The following GSDME variants were observed in gnomAD, a reference collection of about 807,000 sequenced individuals.
GSDME encodes gasdermin E.
GSDME carries 44 observed loss-of-function variants against 47.5 expected under a neutral mutation model. That is an observed-to-expected ratio of 0.93 (90% CI 0.73 to 1.19). The LOEUF (loss-of-function observed/expected upper bound fraction) is 1.19, where lower values mean the gene tolerates loss of function less well. Ranked by LOEUF, GSDME falls within the 50% of genes most tolerant of loss-of-function variation. The pLI is 0.00. For synonymous variants in GSDME, 258 were observed against 252.8 expected, an observed-to-expected ratio of 1.02 and a Z score of -0.20; for missense variants, 663 against 604.2, an observed-to-expected ratio of 1.10 and a Z score of -1.02.
rs899980428 is a variant in GSDME, at chr7:24,728,332, T to C, written c.405-9114A>G. On this transcript the variant is annotated intron_variant, in intron 3 of 9. Coordinates refer to ENST00000645220, the MANE Select transcript of GSDME (RefSeq NM_001127453.2). The surrounding 1 kb of genome is among the most constrained non-coding windows in gnomAD (Gnocchi z 7.2). ...CCACAGAGCCACCGAACTGACCTTCTGCCGTTAACCATTCAGTCAACCGGG... is the reference window on the plus strand; with the variant it reads ...CCACAGAGCCACCGAACTGACCTTCCGCCGTTAACCATTCAGTCAACCGGG... 1.3e-5 allele frequency among the ~76,000 whole-genome samples: 2 copies of C among 152,232 alleles called. No homozygotes were observed. Among genetic ancestry groups the C allele is most frequent in the Non-Finnish European group, 2.9e-5 (2 of 68,040 alleles).
rs551972266 is a variant in GSDME, at chr7:24,727,823, G to T, written c.405-8605C>A. On this transcript the variant is annotated intron_variant, in intron 3 of 9. Transcript: ENST00000645220. ...TCTGCCGATTTCCCCTCCAAGGGAG[G>T]CTCCATTCACCCTTTTCAAAGACTG... 3.0e-4 allele frequency among the ~76,000 whole-genome samples: 46 copies of T among 152,320 alleles called. No individual in the cohort carries two copies. In the South Asian group the frequency reaches 7.9e-3, roughly 26 times the overall value.
the GSDME span, among the ~76,000 whole-genome samples, chr7:24,776,662 G>A: frequency 1.3e-5 from 2 of 152,114 alleles, no homozygotes; most frequent in Admixed American, 6.5e-5. Flanking sequence ...TCCTGCAGCA[G>A]GTATAAGTTC....
chr7:24,771,609 T>C, the GSDME span, among the ~76,000 whole-genome samples: 527 of 152,328 alleles, frequency 3.5e-3, 12 homozygotes, highest in Admixed American at 0.032. This position sits in a 1 kb window ranked among gnomAD's most constrained non-coding sequence, Gnocchi z 4.1. Flanking sequence ...GCCTCTATTC[T>C]ACTTCTACAG....
rs1405346016 is a variant in GSDME at position 24,757,316 on chromosome 7, C to T, written c.-20+80G>A. 6.6e-6 allele frequency: 1 copy of T among 152,570 alleles called. No individual in the cohort carries two copies. Among genetic ancestry groups the T allele is most frequent in the Non-Finnish European group, 1.5e-5 (1 of 68,410 alleles). 9.5% of individuals were successfully genotyped at this position (152,570 alleles called of 1,614,324 possible). On this transcript the variant is annotated intron_variant, in intron 1 of 9. Transcript: ENST00000645220. The surrounding 1 kb of genome is among the most constrained non-coding windows in gnomAD (Gnocchi z 5.9). ...CGCGCGGCCTCGGCTGCCCCCGGCC[C>T]GGGACACCCAAACAGACCAAAGAGG...
chr7:24,748,164 A>T (rs55914432), intron 2 of GSDME, among the ~76,000 whole-genome samples: 15,278 of 88,344 alleles, frequency 0.17, 1,261 homozygotes, highest in African/African-American at 0.41. Flanking sequence ...ATATATATAT[A>T]TATATTTTTT....
chr7:24,749,529 G>A lies in GSDME; in HGVS notation c.211+35C>T, dbSNP rs142211483. 31 of 1,386,494 alleles carry A rather than the reference G, an allele frequency of 2.2e-5. No individual in the cohort carries two copies. In the African/African-American group the frequency reaches 2.8e-4, roughly 12 times the overall value. 85.9% of individuals were successfully genotyped at this position (1,386,494 alleles called of 1,614,324 possible). On this transcript the variant is annotated intron_variant, in intron 2 of 9. Coordinates refer to ENST00000645220, the MANE Select transcript of GSDME (RefSeq NM_001127453.2). ...AAAAAAAAAAAGGATCATCCTTTCC[G>A]AGACTAATTATAGAATATACCCAAG...
chr7:24,753,422 C>T (rs1790918116), intron 1 of GSDME, among the ~76,000 whole-genome samples: 1 of 152,160 alleles, frequency 6.6e-6, no homozygotes, highest in South Asian at 2.1e-4. Context: ...TGTTGCTGAC[C>T]ACTTGGGTTA....
At chr7:24,782,517 C>T in the GSDME span, among the ~76,000 whole-genome samples, 208 of 152,242 alleles carry the variant, frequency 1.4e-3, no homozygotes, top group South Asian at 1.7e-3. Flanking sequence ...AGTAGTGCCA[C>T]AATAAACATA....
chr7:24,745,347 C>T lies in GSDME; in HGVS notation c.212-593G>A, dbSNP rs983570154. On this transcript the variant is annotated intron_variant, in intron 2 of 9. Transcript: ENST00000645220. This position sits in a 1 kb window ranked among gnomAD's most constrained non-coding sequence, Gnocchi z 4.4. ...CCTGTCTGGGGGCATCTTGTCTACC[C>T]ACCCACCAGTCTTGGAAAACAATCC... Among the ~76,000 whole-genome samples, 10 of 152,124 alleles carry T rather than the reference C, an allele frequency of 6.6e-5. No homozygotes were observed. The highest frequency in any genetic ancestry group is 2.2e-4 in the African/African-American group (9 of 41,432).
chr7:24,790,014 A>G, the GSDME span, among the ~76,000 whole-genome samples: 4 of 152,182 alleles, frequency 2.6e-5, no homozygotes, highest in African/African-American at 9.7e-5. This position sits in a 1 kb window ranked among gnomAD's most constrained non-coding sequence, Gnocchi z 4.1. Flanking sequence ...TTTTCCAAAC[A>G]TGGCCCCACA....
Position 24,712,940 on chromosome 7 carries a change from C to T in GSDME, c.698-2552G>A, listed in dbSNP as rs1018103356. On this transcript the variant is annotated intron_variant, in intron 5 of 9. Coordinates refer to ENST00000645220, the MANE Select transcript of GSDME (RefSeq NM_001127453.2). This position sits in a 1 kb window ranked among gnomAD's most constrained non-coding sequence, Gnocchi z 4.4. ...GGCTGAGGCAGGAGAATCGTTTGAA[C>T]CTGGGAGGCGGAGGTTGTGGTGAGC... Among the ~76,000 whole-genome samples, 1 of 151,900 alleles carries T rather than the reference C, an allele frequency of 6.6e-6. No homozygotes were observed. The highest frequency in any genetic ancestry group is 2.4e-5 in the African/African-American group (1 of 41,404).
At chr7:24,699,282 A>G in intron 9 of GSDME, 23 bp from the exon 10 acceptor site, 1 of 1,543,056 alleles carries the variant, frequency 6.5e-7, no homozygotes, top group Non-Finnish European at 9.0e-7. Context: ...ATTTAAACAA[A>G]TTCACTTTTA....
rs1790961554 is a variant in GSDME at position 24,754,681 on chromosome 7, C to A, written c.-20+2715G>T. ...ACACAAAGTTAGCAAAGCACACAGC[C>A]AACTGGAGCCACTGGGAACAAAGAA... On this transcript the variant is annotated intron_variant, in intron 1 of 9. Transcript: ENST00000645220. The surrounding 1 kb of genome is among the most constrained non-coding windows in gnomAD (Gnocchi z 5.0). 6.6e-6 allele frequency among the ~76,000 whole-genome samples: 1 copy of A among 152,102 alleles called. No homozygotes were observed. The highest frequency in any genetic ancestry group is 2.4e-5 in the African/African-American group (1 of 41,412).
chr7:24,761,307 A>G (rs1791162362), upstream of GSDME, among the ~76,000 whole-genome samples: 1 of 152,250 alleles, frequency 6.6e-6, no homozygotes, highest in Admixed American at 6.5e-5. The surrounding 1 kb of genome is among the most constrained non-coding windows in gnomAD (Gnocchi z 4.4). Flanking sequence ...AGTGGCTTAT[A>G]AACAACAGGA....
At chr7:24,699,349 A>G (rs1278726517) in intron 9 of GSDME, 90 bp from the exon 10 acceptor site, 4 of 1,006,738 alleles carry the variant, frequency 4.0e-6, no homozygotes, top group Admixed American at 3.9e-5. Context: ...ATTCTGGGGG[A>G]AAAAACTTTT....
Position 24,721,409 on chromosome 7 carries a change from A to C in GSDME, c.405-2191T>G, listed in dbSNP as rs1412840062. On this transcript the variant is annotated intron_variant, in intron 3 of 9. Transcript: ENST00000645220. This position sits in a 1 kb window ranked among gnomAD's most constrained non-coding sequence, Gnocchi z 4.1. ...GACTCCATTTCCAGGAAGGAACAGG[A>C]AACAGGGACCCTGGAGCCTGCAGGG... Among the ~76,000 whole-genome samples, 2 of 152,226 alleles carry C rather than the reference A, an allele frequency of 1.3e-5. No individual in the cohort carries two copies. The highest frequency in any genetic ancestry group is 1.9e-4 in the East Asian group (1 of 5,198).
chr7:24,727,156 A>G (rs529344755), intron 3 of GSDME, among the ~76,000 whole-genome samples: 1 of 152,160 alleles, frequency 6.6e-6, no homozygotes, highest in African/African-American at 2.4e-5. Context: ...GGCCCTGATC[A>G]CCTAGATCTA....
chr7:24,705,950 A>G lies in GSDME; in HGVS notation c.1183+234T>C, dbSNP rs1469549792. 2 of 587,066 alleles carry G rather than the reference A, an allele frequency of 3.4e-6. No individual in the cohort carries two copies. The highest frequency in any genetic ancestry group is 6.1e-6 in the Non-Finnish European group (2 of 328,610). The allele number at this position is 587,066 out of a possible 1,614,324, so 36.4% of individuals were successfully genotyped here. A position where few individuals can be genotyped will look rare whatever the true frequency, so the allele number is the denominator to read the frequency against. ...TGGCCTTCCCTGGGGGAGGAGGGAGAAGGGCCCTCCGGGAGAGTAGGGAGG... is the reference window on the plus strand; with the variant it reads ...TGGCCTTCCCTGGGGGAGGAGGGAGGAGGGCCCTCCGGGAGAGTAGGGAGG... On this transcript the variant is annotated intron_variant, in intron 8 of 9. Coordinates refer to ENST00000645220, the MANE Select transcript of GSDME (RefSeq NM_001127453.2). This position sits in a 1 kb window ranked among gnomAD's most constrained non-coding sequence, Gnocchi z 4.1.
rs1789982558 is a variant in GSDME at position 24,726,788 on chromosome 7, A to C, written c.405-7570T>G. Among the ~76,000 whole-genome samples the C allele has an allele frequency of 1.3e-5, 2 of 149,060 alleles. No homozygotes were observed. Among genetic ancestry groups the C allele is most frequent in the South Asian group, 4.3e-4 (2 of 4,612 alleles). On this transcript the variant is annotated intron_variant, in intron 3 of 9. Coordinates refer to ENST00000645220, the MANE Select transcript of GSDME (RefSeq NM_001127453.2). The surrounding 1 kb of genome is among the most constrained non-coding windows in gnomAD (Gnocchi z 5.6). The stretch of plus-strand genomic sequence containing the variant: ...CCCACTGCACTCCAGCCCGGGGGAC[A>C]GAGCGAGACTCCGTCTCAAAAAAAA...
Sources: gnomAD v4.1 joint callset for allele counts (sites outside exome capture counted in the v4.1 genomes callset) on GRCh38, gnomAD v4.1.1 for gene constraint, Gnocchi (gnomAD v3.1) non-coding constraint, MANE v1.5 for transcripts, NCBI Gene and HGNC (gene_info 2026-07-23, HGNC 2026-07-21) for gene names.